The following MDFIC2 variants were observed in gnomAD, a reference collection of about 807,000 sequenced individuals.
The protein encoded by MDFIC2 is myoD family inhibitor domain-containing protein 2.
chr3:70,302,492 T>TAC (rs1157174912), intron 2 of MDFIC2: 1 of 152,192 alleles, frequency 6.6e-6, no homozygotes, highest in African/African-American at 2.4e-5. Context: ...CTAATGTTGA[T>TAC]TAAGTGTATC....
intron 2 of MDFIC2, among the ~76,000 whole-genome samples, chr3:70,257,729 A>T (rs1380562551): frequency 6.6e-6 from 1 of 152,200 alleles, no homozygotes; most frequent in Admixed American, 6.5e-5. Flanking sequence ...TAGCATGACA[A>T]TCCTCTGCCA....
intron 2 of MDFIC2, among the ~76,000 whole-genome samples, chr3:70,214,781 G>T (rs145780147): frequency 1.4e-3 from 218 of 152,168 alleles, no homozygotes; most frequent in African/African-American, 4.8e-3. Flanking sequence ...CTTCAGACAT[G>T]AAAGCAGTTT....
At chr3:70,238,181 G>C (rs990354458) in intron 2 of MDFIC2, among the ~76,000 whole-genome samples, 1 of 151,568 alleles carries the variant, frequency 6.6e-6, no homozygotes, top group Non-Finnish European at 1.5e-5. Flanking sequence ...TGTGAGACTC[G>C]CATAGCACCA....
At chr3:70,304,776 T>A (rs1308467731) in intron 2 of MDFIC2, among the ~76,000 whole-genome samples, 1 of 152,216 alleles carries the variant, frequency 6.6e-6, no homozygotes, top group Non-Finnish European at 1.5e-5. Context: ...GTTACCCTGT[T>A]TAGAATCTCC....
At chr3:70,299,679 G>A (rs1046657169) in intron 2 of MDFIC2, among the ~76,000 whole-genome samples, 4 of 152,024 alleles carry the variant, frequency 2.6e-5, no homozygotes, top group African/African-American at 7.2e-5. Flanking sequence ...GATGCAACAA[G>A]CTTCTAACTA....
chr3:70,266,797 T>C (rs955811104), intron 2 of MDFIC2, among the ~76,000 whole-genome samples: 2 of 152,148 alleles, frequency 1.3e-5, no homozygotes, highest in African/African-American at 4.8e-5. Context: ...ATGAATCAGC[T>C]TCAAAGCAAA....
chr3:70,201,287 A>G (rs1701235584), intron 3 of MDFIC2, among the ~76,000 whole-genome samples: 1 of 152,050 alleles, frequency 6.6e-6, no homozygotes, highest in Admixed American at 6.6e-5. Flanking sequence ...TATGGGTGAG[A>G]ACATGTGGTG....
intron 2 of MDFIC2, among the ~76,000 whole-genome samples, chr3:70,227,226 T>C (rs758159735): frequency 6.6e-6 from 1 of 152,228 alleles, no homozygotes; most frequent in Non-Finnish European, 1.5e-5. Context: ...GACTGGATTA[T>C]AGTTGTTCTT....
intron 2 of MDFIC2, among the ~76,000 whole-genome samples, chr3:70,270,970 A>C (rs1340797585): frequency 6.6e-6 from 1 of 152,156 alleles, no homozygotes; most frequent in Non-Finnish European, 1.5e-5. Flanking sequence ...TCGCCATGGC[A>C]CATGTATACC....
At chr3:70,287,383 C>A (rs998655249) in intron 2 of MDFIC2, among the ~76,000 whole-genome samples, 2 of 150,884 alleles carry the variant, frequency 1.3e-5, no homozygotes, top group Admixed American at 1.3e-4. Flanking sequence ...TATATTGAAC[C>A]AGCCTTGCAT....
chr3:70,236,470 C>A (rs1380266248), intron 2 of MDFIC2, among the ~76,000 whole-genome samples: 1 of 152,174 alleles, frequency 6.6e-6, no homozygotes, highest in African/African-American at 2.4e-5. Flanking sequence ...GCAACATGTT[C>A]TTCTTACTAA....
intron 2 of MDFIC2, among the ~76,000 whole-genome samples, chr3:70,284,124 G>A (rs1047760253): frequency 6.6e-6 from 1 of 151,980 alleles, no homozygotes; most frequent in African/African-American, 2.4e-5. Context: ...CTGTTACAAC[G>A]TTCTAGTTAA....
intron 2 of MDFIC2, among the ~76,000 whole-genome samples, chr3:70,225,607 T>C (rs1701496992): frequency 1.4e-5 from 2 of 147,102 alleles, no homozygotes; most frequent in Admixed American, 1.4e-4. Flanking sequence ...GTGAAGATGC[T>C]AGAAGCATGC....
chr3:70,227,649 C>T (rs547846184), intron 2 of MDFIC2, among the ~76,000 whole-genome samples: 8 of 152,304 alleles, frequency 5.3e-5, no homozygotes, highest in African/African-American at 1.9e-4. Flanking sequence ...TTTGCACCAA[C>T]CTAATAATAC....
chr3:70,199,925 C>A (rs946677818), intron 3 of MDFIC2, among the ~76,000 whole-genome samples: 1 of 152,180 alleles, frequency 6.6e-6, no homozygotes, highest in Admixed American at 6.5e-5. Context: ...CAAGGCCAAA[C>A]TGCATTTTGG....
intron 2 of MDFIC2, among the ~76,000 whole-genome samples, chr3:70,288,123 C>CAAACA (rs1702187797): frequency 6.9e-6 from 1 of 145,430 alleles, no homozygotes; most frequent in Non-Finnish European, 1.5e-5. Context: ...TTTGCTCTTG[C>CAAACA]TTTTCTAGTT....
intron 2 of MDFIC2, among the ~76,000 whole-genome samples, chr3:70,207,871 G>A (rs1415219806): frequency 1.3e-5 from 2 of 151,976 alleles, no homozygotes; most frequent in Non-Finnish European, 2.9e-5. Flanking sequence ...CTCAGACACT[G>A]AGGGACAACT....
intron 2 of MDFIC2, among the ~76,000 whole-genome samples, chr3:70,300,331 T>A (rs1702335283): frequency 6.6e-6 from 1 of 152,102 alleles, no homozygotes; most frequent in Admixed American, 6.6e-5. Context: ...TACCACCTTC[T>A]CTTACAACAT....
chr3:70,226,627 T>C (rs1439706930), intron 2 of MDFIC2, among the ~76,000 whole-genome samples: 2 of 150,844 alleles, frequency 1.3e-5, no homozygotes, highest in African/African-American at 4.9e-5. Context: ...AATCCCAGCT[T>C]CTCGGGAGGC....
Sources: allele counts gnomAD v4.1 joint callset (sites outside exome capture counted in the v4.1 genomes callset), GRCh38; gene constraint gnomAD v4.1.1; transcripts MANE v1.5; gene names NCBI Gene and HGNC (gene_info 2026-07-23, HGNC 2026-07-21).